The following VPS26C variants were observed in gnomAD, a reference collection of about 807,000 sequenced individuals.
The protein encoded by VPS26C is VPS26 endosomal protein sorting factor C.
In VPS26C, 19 loss-of-function variants were observed where a neutral mutation model predicts 30.6. That is an observed-to-expected ratio of 0.62 (90% CI 0.43 to 0.91). VPS26C has a LOEUF of 0.91. Among genes scored for constraint, VPS26C ranks in the 40% least tolerant of loss-of-function variants. The probability of loss-of-function intolerance (pLI) is 0.00; values close to 1 mark genes in which losing one functional copy is unlikely to be tolerated. For synonymous variants in VPS26C, 132 were observed against 151.5 expected (o/e 0.87, Z 0.95); for missense variants, 318 against 385.1 (o/e 0.83, Z 1.46).
intron 3 of VPS26C, among the ~76,000 whole-genome samples, chr21:37,235,323 G>A (rs532795370): frequency 7.2e-5 from 11 of 151,974 alleles, no homozygotes; most frequent in Non-Finnish European, 1.6e-4. Flanking sequence ...TAGTAGATAC[G>A]GGGTTTCACC....
chr21:37,255,258 T>C (rs1037892674), intron 1 of VPS26C, among the ~76,000 whole-genome samples: 7 of 152,338 alleles, frequency 4.6e-5, no homozygotes, highest in East Asian at 3.9e-4. Context: ...TTGCTGCTCC[T>C]TTCCCAAAGG....
At chr21:37,238,053 A>G (rs1402981753) in intron 3 of VPS26C, among the ~76,000 whole-genome samples, 1 of 152,254 alleles carries the variant, frequency 6.6e-6, no homozygotes, top group Non-Finnish European at 1.5e-5. Context: ...TCAGTAAAGA[A>G]CACCAGCCTA....
intron 3 of VPS26C, among the ~76,000 whole-genome samples, chr21:37,234,544 G>A (rs542185987): frequency 2.3e-4 from 35 of 152,222 alleles, no homozygotes; most frequent in Middle Eastern, 3.4e-3. Flanking sequence ...TCTACAGCAG[G>A]ACCACTGTTG....
rs2186337 is a variant in VPS26C, at chr21:37,226,275, T to C, written c.812-649A>G. Reference sequence around the variant, plus strand: ...AGTGTGAGGAGGGGTGGGAAGGGCATCGTGTGGGCAGAGGGCACCCTGTGC... The same window carrying C: ...AGTGTGAGGAGGGGTGGGAAGGGCACCGTGTGGGCAGAGGGCACCCTGTGC... On this transcript the variant is annotated intron_variant, in intron 7 of 7. Coordinates refer to ENST00000309117, the MANE Select transcript of VPS26C (RefSeq NM_006052.2). The surrounding 1 kb of genome is among the most constrained non-coding windows in gnomAD (Gnocchi z 4.1). The C allele has an allele frequency of 0.71, 108,856 of 153,104 alleles. 38,883 individuals are homozygous for C. The highest frequency in any genetic ancestry group is 0.76 in the East Asian group (3,947 of 5,172). 9.5% of individuals were successfully genotyped at this position (153,104 alleles called of 1,614,324 possible). A position where few individuals can be genotyped will look rare whatever the true frequency, so the allele number is the denominator to read the frequency against.
chr21:37,233,062 G>A lies in VPS26C; in HGVS notation c.432+300C>T, dbSNP rs1031306211. 6.6e-6 allele frequency among the ~76,000 whole-genome samples: 1 copy of A among 152,186 alleles called. No individual in the cohort carries two copies. Among genetic ancestry groups the A allele is most frequent in the African/African-American group, 2.4e-5 (1 of 41,432 alleles). Reference sequence around the variant, plus strand: ...GCCTGCCTGGCATTTTTTATCCAGGGGCTGGGATGCAAAGGGCCAGTCTAC... The same window carrying A: ...GCCTGCCTGGCATTTTTTATCCAGGAGCTGGGATGCAAAGGGCCAGTCTAC... On this transcript the variant is annotated intron_variant, in intron 4 of 7. Transcript: ENST00000309117. The surrounding 1 kb of genome is among the most constrained non-coding windows in gnomAD (Gnocchi z 5.2).
Position 37,238,549 on chromosome 21 carries a change from T to C in VPS26C, c.262A>G (p.Lys88Glu). 6.2e-7 allele frequency: 1 copy of C among 1,614,238 alleles called. No individual in the cohort carries two copies. ...GGAAATTCAAAAGGGATTTCTGTTT[T>C]GCCGCTGGGAAATTTCCCCGGCTTC... ...MVKPGKFPSGKTEIPFEFPLH... is the reference protein window; with the variant it reads ...MVKPGKFPSGETEIPFEFPLH... The change falls in exon 3 of 8, where the codon AAA becomes GAA. Residue 88 changes from lysine to glutamate, a missense_variant. Coordinates refer to ENST00000309117, the MANE Select transcript of VPS26C (RefSeq NM_006052.2).
At chr21:37,251,697 T>G (rs751534568) in intron 1 of VPS26C, among the ~76,000 whole-genome samples, 1 of 152,146 alleles carries the variant, frequency 6.6e-6, no homozygotes, top group Non-Finnish European at 1.5e-5. Flanking sequence ...GTGAATTGAT[T>G]ACCTATTATA....
chr21:37,236,331 A>G (rs979344907), intron 3 of VPS26C, among the ~76,000 whole-genome samples: 2 of 152,234 alleles, frequency 1.3e-5, no homozygotes, highest in Non-Finnish European at 2.9e-5. Flanking sequence ...ACTGTAAGAA[A>G]AAGACCTGCC....
intron 3 of VPS26C, chr21:37,237,679 A>G (rs771961015): frequency 6.6e-6 from 1 of 152,306 alleles, no homozygotes; most frequent in African/African-American, 2.4e-5. Context: ...TCCCATACAG[A>G]TGAATCTTTA....
Position 37,257,730 on chromosome 21 carries a change from G to T in VPS26C, c.57+9508C>A, listed in dbSNP as rs2086258229. ...AGCACGGGCGGAAGAAAGGACTGGA[G>T]GGGAGGGAAAGGGGTGGGGAGCGAG... On this transcript the variant is annotated intron_variant, in intron 1 of 7. Coordinates refer to ENST00000309117, the MANE Select transcript of VPS26C (RefSeq NM_006052.2). This position sits in a 1 kb window ranked among gnomAD's most constrained non-coding sequence, Gnocchi z 4.2. Among the ~76,000 whole-genome samples the T allele has an allele frequency of 1.3e-5, 2 of 152,212 alleles. No homozygotes were observed. Among genetic ancestry groups the T allele is most frequent in the South Asian group, 4.1e-4 (2 of 4,832 alleles).
At chr21:37,236,391 A>G (rs775024378) in intron 3 of VPS26C, among the ~76,000 whole-genome samples, 1 of 152,360 alleles carries the variant, frequency 6.6e-6, no homozygotes, top group Non-Finnish European at 1.5e-5. Context: ...GACAGATTTA[A>G]AAAAACATAA....
chr21:37,250,105 A>C (rs1318012664), intron 1 of VPS26C, among the ~76,000 whole-genome samples: 4 of 151,900 alleles, frequency 2.6e-5, no homozygotes, highest in Non-Finnish European at 5.9e-5. Context: ...GGAGTTCAAG[A>C]CCAACTTGGC....
chr21:37,254,673 T>C (rs1186177319), intron 1 of VPS26C, among the ~76,000 whole-genome samples: 1 of 151,848 alleles, frequency 6.6e-6, no homozygotes, highest in Non-Finnish European at 1.5e-5. Flanking sequence ...TAGCCAGGCA[T>C]GGTGGCGGGC....
rs775361559 is a variant in VPS26C at position 37,228,299 on chromosome 21, C to T, written c.582G>A (p.Thr194=). ...CCGAGCTCTCCACCACCAGCTCTCC[C>T]GTTAGTGGCTGCGTGATGACACAGT... ...STNCVITQPL[T]GELVVESSEA... Residue 194 remains threonine, a synonymous_variant, in exon 6 of 8, where the codon ACG becomes ACA. Coordinates refer to ENST00000309117, the MANE Select transcript of VPS26C (RefSeq NM_006052.2). The T allele has an allele frequency of 7.4e-6, 12 of 1,614,074 alleles. No homozygotes were observed. The highest frequency in any genetic ancestry group is 6.7e-5 in the East Asian group (3 of 44,898).
intron 3 of VPS26C, chr21:37,237,487 G>C (rs977897954): frequency 6.6e-6 from 1 of 152,172 alleles, no homozygotes; most frequent in African/African-American, 2.4e-5. Flanking sequence ...TATCTGCATG[G>C]CTACGTACGC....
At chr21:37,255,293 T>C (rs908152969) in intron 1 of VPS26C, among the ~76,000 whole-genome samples, 4 of 152,166 alleles carry the variant, frequency 2.6e-5, no homozygotes, top group African/African-American at 7.2e-5. Flanking sequence ...TTAGAGAAAT[T>C]GTCTTAAATA....
Position 37,260,979 on chromosome 21 carries a change from T to G in VPS26C, c.57+6259A>C, listed in dbSNP as rs551696944. 60 of 152,368 alleles carry G rather than the reference T, an allele frequency of 3.9e-4. 1 individual carries two copies. Among genetic ancestry groups the G allele is most frequent in the Non-Finnish European group, 6.6e-4 (45 of 68,044 alleles). 9.4% of individuals were successfully genotyped at this position (152,368 alleles called of 1,614,324 possible). On this transcript the variant is annotated intron_variant, in intron 1 of 7. Transcript: ENST00000309117. ...CAATGCATTTATAAAATTATCAGTC[T>G]TCTGCATTTTGTTTAAATGTTTCAG...
chr21:37,242,818 C>T (rs1231328506), intron 1 of VPS26C, among the ~76,000 whole-genome samples: 1 of 152,150 alleles, frequency 6.6e-6, no homozygotes, highest in East Asian at 1.9e-4. Context: ...ATCAGTAAAG[C>T]CTTTTCCCTC....
intron 1 of VPS26C, among the ~76,000 whole-genome samples, chr21:37,240,971 G>A (rs577687624): frequency 1.9e-4 from 29 of 152,328 alleles, no homozygotes; most frequent in Non-Finnish European, 3.5e-4. Flanking sequence ...AGAAGGGCCA[G>A]GGCAAATGTA....
Sources: gnomAD v4.1 joint callset for allele counts (sites outside exome capture counted in the v4.1 genomes callset) on GRCh38, gnomAD v4.1.1 for gene constraint, Gnocchi (gnomAD v3.1) non-coding constraint, MANE v1.5 for transcripts, NCBI Gene and HGNC (gene_info 2026-07-23, HGNC 2026-07-21) for gene names.